TAFA2: variants seen among roughly 807,000 people sequenced by gnomAD.
TAFA2 encodes TAFA chemokine like family member 2, also known as chemokine-like protein TAFA-2.
TAFA2 carries 7 observed loss-of-function variants against 18.8 expected under a neutral mutation model. That is an observed-to-expected ratio of 0.37 (90% CI 0.21 to 0.70). The LOEUF (loss-of-function observed/expected upper bound fraction) is 0.70, where lower values mean the gene tolerates loss of function less well. Ranked by LOEUF, TAFA2 falls within the 30% of genes least tolerant of loss-of-function variation. The pLI, the probability that TAFA2 is intolerant of heterozygous loss-of-function variation, is 0.53. For missense variants in TAFA2, 122 were observed against 158.1 expected (o/e 0.77, Z 1.23); for synonymous variants, 60 against 54.2 (o/e 1.11, Z -0.47).
chr12:62,232,947 G>A (rs371741072), intron 1 of TAFA2, among the ~76,000 whole-genome samples: 5 of 151,202 alleles, frequency 3.3e-5, no homozygotes, highest in South Asian at 4.2e-4. Context: ...TTTATCTGCC[G>A]TTAGCTCCTA....
At chr12:62,181,995 C>A (rs562030208) in intron 1 of TAFA2, among the ~76,000 whole-genome samples, 4 of 149,356 alleles carry the variant, frequency 2.7e-5, no homozygotes, top group Admixed American at 1.3e-4. Context: ...GTCCATCCCC[C>A]CCCCGCTACA....
intron 2 of TAFA2, among the ~76,000 whole-genome samples, chr12:61,765,644 C>G (rs528680128): frequency 6.6e-6 from 1 of 152,146 alleles, no homozygotes; most frequent in Admixed American, 6.5e-5. Context: ...TGTGATATTA[C>G]CTACCATTAA....
chr12:61,747,721 G>T (rs867124436), intron 4 of TAFA2, among the ~76,000 whole-genome samples: 8 of 135,828 alleles, frequency 5.9e-5, no homozygotes, highest in African/African-American at 8.7e-5. Context: ...GTTGTGGGGT[G>T]GGGGGAGCGG....
intron 4 of TAFA2, among the ~76,000 whole-genome samples, chr12:61,725,250 G>A (rs764470039): frequency 9.2e-5 from 14 of 152,086 alleles, no homozygotes; most frequent in Non-Finnish European, 8.8e-5. Flanking sequence ...TTACTCTGCT[G>A]ATTATTACTT....
At chr12:62,107,253 T>G (rs1024491736) in intron 1 of TAFA2, among the ~76,000 whole-genome samples, 1 of 127,618 alleles carries the variant, frequency 7.8e-6, no homozygotes, top group African/African-American at 3.0e-5. Flanking sequence ...GGGATGAGAA[T>G]GGAGGACCAA....
chr12:62,085,126 T>C (rs1039593948), intron 1 of TAFA2, among the ~76,000 whole-genome samples: 1 of 152,178 alleles, frequency 6.6e-6, no homozygotes, highest in African/African-American at 2.4e-5. Context: ...CAATTAATTT[T>C]ACTTTGTTGC....
intron 1 of TAFA2, among the ~76,000 whole-genome samples, chr12:62,017,501 T>C (rs1049757769): frequency 1.3e-5 from 2 of 152,168 alleles, no homozygotes; most frequent in African/African-American, 4.8e-5. Flanking sequence ...AAGGAGTTAG[T>C]AATCCAGGGA....
intron 1 of TAFA2, among the ~76,000 whole-genome samples, chr12:62,071,329 G>A (rs895489192): frequency 6.6e-6 from 1 of 152,152 alleles, no homozygotes. Flanking sequence ...GTGAGAAAAG[G>A]ATCACAAAAT....
chr12:62,158,993 C>T (rs1226082227), intron 1 of TAFA2, among the ~76,000 whole-genome samples: 1 of 152,158 alleles, frequency 6.6e-6, no homozygotes, highest in Non-Finnish European at 1.5e-5. Flanking sequence ...TGTAACTTTA[C>T]AGATTATACA....
chr12:61,903,409 A>C (rs186589743), intron 1 of TAFA2, among the ~76,000 whole-genome samples: 6 of 152,204 alleles, frequency 3.9e-5, no homozygotes, highest in Admixed American at 3.3e-4. Context: ...GTACTTCAGC[A>C]CTCAATTCAT....
At chr12:61,780,847 A>G (rs1284830983) in intron 2 of TAFA2, among the ~76,000 whole-genome samples, 2 of 151,800 alleles carry the variant, frequency 1.3e-5, no homozygotes, top group African/African-American at 4.8e-5. Flanking sequence ...GGTCTTAAAT[A>G]AAGTCTTCCT....
intron 2 of TAFA2, among the ~76,000 whole-genome samples, chr12:61,859,433 A>ATTATGTTTTTGT (rs1874027203): frequency 6.6e-6 from 1 of 151,260 alleles, no homozygotes; most frequent in Non-Finnish European, 1.5e-5. Context: ...ACAAAGCAAT[A>ATTATGTTTTTGT]TTTTGTTTTT....
chr12:61,924,323 T>A (rs1053977833), intron 1 of TAFA2, among the ~76,000 whole-genome samples: 1 of 152,102 alleles, frequency 6.6e-6, no homozygotes, highest in South Asian at 2.1e-4. Context: ...AAAAAAATGT[T>A]AAGGGCAGCC....
chr12:62,156,847 C>T (rs1188137619), intron 1 of TAFA2, among the ~76,000 whole-genome samples: 1 of 152,124 alleles, frequency 6.6e-6, no homozygotes, highest in Non-Finnish European at 1.5e-5. Context: ...GGAACTTACT[C>T]ATGTAACTAA....
intron 1 of TAFA2, among the ~76,000 whole-genome samples, chr12:62,034,987 A>G (rs1881560221): frequency 6.6e-6 from 1 of 152,220 alleles, no homozygotes; most frequent in Non-Finnish European, 1.5e-5. Context: ...TTGTTGTATC[A>G]AAATAACCAC....
At chr12:61,976,400 C>A (rs1236705601) in intron 1 of TAFA2, among the ~76,000 whole-genome samples, 1 of 151,788 alleles carries the variant, frequency 6.6e-6, no homozygotes, top group African/African-American at 2.4e-5. Context: ...TTTCACAATA[C>A]ATGATTGGAA....
chr12:61,853,618 T>C (rs1039893266), intron 2 of TAFA2, among the ~76,000 whole-genome samples: 2 of 152,162 alleles, frequency 1.3e-5, no homozygotes, highest in African/African-American at 4.8e-5. Context: ...GTGAGGGCTA[T>C]AAGTGGGAGC....
At chr12:61,806,714 G>C (rs1201192090) in intron 2 of TAFA2, among the ~76,000 whole-genome samples, 1 of 152,210 alleles carries the variant, frequency 6.6e-6, no homozygotes, top group Non-Finnish European at 1.5e-5. Flanking sequence ...TCCAGGCTGA[G>C]GTGGTCTCAG....
At chr12:61,750,499 C>T (rs1487220227) in intron 4 of TAFA2, among the ~76,000 whole-genome samples, 3 of 152,044 alleles carry the variant, frequency 2.0e-5, no homozygotes, top group African/African-American at 7.2e-5. Flanking sequence ...GGAAATGGGT[C>T]AGAACCAAAA....
Sources: gnomAD v4.1 joint callset for allele counts (sites outside exome capture counted in the v4.1 genomes callset) on GRCh38, gnomAD v4.1.1 for gene constraint, MANE v1.5 for transcripts, NCBI Gene and HGNC (gene_info 2026-07-23, HGNC 2026-07-21) for gene names.